ANKRD26: variants seen among roughly 807,000 people sequenced by gnomAD.
ANKRD26 encodes ankyrin repeat domain 26.
Under a neutral mutation model 208.7 loss-of-function variants are expected in ANKRD26, and 141 were observed. The observed-to-expected ratio is 0.68, with a 90% CI of 0.59 to 0.78. The LOEUF is 0.78. ANKRD26 is among the 30% of genes least tolerant of loss of function. The pLI is 0.00. For missense variants in ANKRD26, 1,889 were observed against 1,938.7 expected, an observed-to-expected ratio of 0.97 and a Z score of 0.48; for synonymous variants, 636 against 660.4, an observed-to-expected ratio of 0.96 and a Z score of 0.57.
At chr10:27,056,692 G>A (rs924925340) in intron 15 of ANKRD26, among the ~76,000 whole-genome samples, 4 of 152,048 alleles carry the variant, frequency 2.6e-5, no homozygotes, top group South Asian at 2.1e-4. Context: ...AAGGAGAATC[G>A]CTTGAACCCG....
At chr10:26,963,429 T>C in the ANKRD26 span, among the ~76,000 whole-genome samples, 1 of 152,212 alleles carries the variant, frequency 6.6e-6, no homozygotes, top group Admixed American at 6.5e-5. Context: ...GGCACAGTCT[T>C]GTAAAATGCA....
chr10:26,956,004 A>G, the ANKRD26 span, among the ~76,000 whole-genome samples: 10 of 152,362 alleles, frequency 6.6e-5, no homozygotes, highest in South Asian at 2.1e-3. Flanking sequence ...TAATATTATT[A>G]GTCTAATTAT....
intron 15 of ANKRD26, among the ~76,000 whole-genome samples, chr10:27,054,582 A>C (rs1041853261): frequency 1.3e-5 from 2 of 152,172 alleles, no homozygotes; most frequent in African/African-American, 4.8e-5. Flanking sequence ...CACACAAAAA[A>C]AGAATGTAAA....
the ANKRD26 span, among the ~76,000 whole-genome samples, chr10:26,954,558 A>G: frequency 1.3e-5 from 2 of 152,196 alleles, no homozygotes; most frequent in East Asian, 1.9e-4. Flanking sequence ...AAATCCTGCT[A>G]GCGTATTAAT....
At chr10:27,072,869 TCA>T (rs61418321) in intron 9 of ANKRD26, among the ~76,000 whole-genome samples, 14,380 of 152,178 alleles carry the variant, frequency 0.094, 2,189 homozygotes, top group African/African-American at 0.32. Context: ...GCAGGAAATC[TCA>T]CAGAGTCTAC....
chr10:26,987,388 A>G (rs916393464), downstream of ANKRD26, among the ~76,000 whole-genome samples: 1 of 152,200 alleles, frequency 6.6e-6, no homozygotes. Flanking sequence ...TATGTAACAA[A>G]CCTGCACGTT....
chr10:27,032,197 A>G (rs1031871963), intron 25 of ANKRD26, among the ~76,000 whole-genome samples: 3 of 152,254 alleles, frequency 2.0e-5, no homozygotes, highest in Non-Finnish European at 4.4e-5. Flanking sequence ...AAATGGCAGA[A>G]TGAAAGAGTT....
At chr10:27,040,200 A>G (rs767313356) in intron 20 of ANKRD26, 22 bp from the exon 21 acceptor site, 20 of 1,543,652 alleles carry the variant, frequency 1.3e-5, no homozygotes, top group Middle Eastern at 2.1e-4. Flanking sequence ...AGAAAACAAG[A>G]TAGAAATATA....
chr10:27,041,290 T>C (rs1280960479), intron 20 of ANKRD26, among the ~76,000 whole-genome samples: 3 of 151,998 alleles, frequency 2.0e-5, no homozygotes. Context: ...TCTTGGGTAT[T>C]GAGCAAAGTA....
Position 27,006,914 on chromosome 10 carries a change from T to A in ANKRD26, c.4999+3A>T. 4 of 1,607,056 alleles carry A rather than the reference T, an allele frequency of 2.5e-6. No individual in the cohort carries two copies. The highest frequency in any genetic ancestry group is 3.4e-6 in the Non-Finnish European group (4 of 1,174,640). ...ATTTAATTCATGAAGTTTGGCAACA[T>A]ACCTTCTTTGAGTTCTCTAGTTATA... On this transcript the variant is annotated splice_donor_region_variant and intron_variant, in intron 33 of 33. Transcript: ENST00000376087.
chr10:27,077,087 C>A, intron 9 of ANKRD26: 2 of 509,750 alleles, frequency 3.9e-6, no homozygotes, highest in African/African-American at 1.9e-5. Flanking sequence ...AATATAGATA[C>A]AAAAATCCTC....
chr10:26,993,398 T>A (rs1169724408), intron 5 of ANKRD26, among the ~76,000 whole-genome samples: 1 of 152,194 alleles, frequency 6.6e-6, no homozygotes, highest in Non-Finnish European at 1.5e-5. Context: ...CCACCCCATA[T>A]CTCCTGGACT....
chr10:27,057,935 C>T (rs1245449080), intron 15 of ANKRD26, among the ~76,000 whole-genome samples: 1 of 83,876 alleles, frequency 1.2e-5, no homozygotes, highest in East Asian at 3.5e-4. Flanking sequence ...GACTCCATCT[C>T]AAAAAAAAAA....
chr10:27,001,668 T>C (rs1448453099), downstream of ANKRD26, among the ~76,000 whole-genome samples: 3 of 152,218 alleles, frequency 2.0e-5, no homozygotes, highest in Non-Finnish European at 2.9e-5. Context: ...GCCAGTGCCA[T>C]GTTGCCTGTT....
intron 28 of ANKRD26, among the ~76,000 whole-genome samples, chr10:27,023,528 T>C (rs936835794): frequency 2.0e-5 from 3 of 150,890 alleles, no homozygotes; most frequent in Non-Finnish European, 4.4e-5. Context: ...ATTTTTGACG[T>C]CTGAGTTAAG....
intron 24 of ANKRD26, among the ~76,000 whole-genome samples, chr10:27,033,581 C>T (rs1350522240): frequency 6.6e-6 from 1 of 152,100 alleles, no homozygotes; most frequent in African/African-American, 2.4e-5. Flanking sequence ...TATCTTCCTG[C>T]CAATTAGGTA....
rs1452231285 is a variant in ANKRD26, at chr10:27,086,535, T to C, written c.709+4A>G. On this transcript the variant is annotated splice_donor_region_variant and intron_variant, in intron 5 of 33. Transcript: ENST00000376087. ...CAAGAGAAATTCACTATTGGAAGTC[T>C]TACCTGAATTACTATTTTGAGAAGA... is the stretch of plus-strand genomic sequence containing the variant. 2 of 1,605,480 alleles carry C rather than the reference T, an allele frequency of 1.2e-6. No individual in the cohort carries two copies. Among genetic ancestry groups the C allele is most frequent in the East Asian group, 2.2e-5 (1 of 44,540 alleles).
chr10:26,983,733 G>T (rs2052342947), intron 3 of ANKRD26, among the ~76,000 whole-genome samples: 1 of 152,166 alleles, frequency 6.6e-6, no homozygotes, highest in African/African-American at 2.4e-5. Flanking sequence ...GGGATACTTA[G>T]GTAAGTGCTA....
chr10:27,098,959 A>G (rs536250929), intron 1 of ANKRD26, among the ~76,000 whole-genome samples: 7 of 152,226 alleles, frequency 4.6e-5, no homozygotes, highest in African/African-American at 1.7e-4. Flanking sequence ...TCACATGCCA[A>G]TACACTTCTG....
Sources: gnomAD v4.1 joint callset for allele counts (sites outside exome capture counted in the v4.1 genomes callset) on GRCh38, gnomAD v4.1.1 for gene constraint, MANE v1.5 for transcripts, NCBI Gene and HGNC (gene_info 2026-07-23, HGNC 2026-07-21) for gene names.